TMEM141: variants seen among roughly 807,000 people sequenced by gnomAD.
TMEM141 encodes the protein transmembrane protein 141.
TMEM141 carries 18 observed loss-of-function variants against 15.9 expected under a neutral mutation model. The ratio of observed to expected loss-of-function variants is 1.13; its 90% CI spans 0.78 to 1.68. The LOEUF is 1.68. TMEM141 is among the 40% of genes most tolerant of loss of function. The pLI, the probability that TMEM141 is intolerant of heterozygous loss-of-function variation, is 0.00. For synonymous variants in TMEM141, 69 were observed against 54.0 expected (o/e 1.28, Z -1.22); for missense variants, 161 against 139.5 (o/e 1.15, Z -0.78).
intron 1 of TMEM141, 26 bp downstream of exon 1, chr9:136,791,450 G>A: frequency 6.4e-7 from 1 of 1,551,770 alleles, no homozygotes; most frequent in South Asian, 1.2e-5. Flanking sequence ...TGGGACGCGG[G>A]CCTCAAACCC....
intron 4 of TMEM141, 46 bp from the exon 5 acceptor site, chr9:136,792,772 AG>A (rs1847603968): frequency 6.9e-7 from 1 of 1,458,610 alleles, no homozygotes; most frequent in African/African-American, 1.4e-5. Flanking sequence ...AGGGATGCCC[AG>A]CCACGATGGA....
At chr9:136,792,216 G>A in intron 3 of TMEM141, 35 bp from the exon 4 acceptor site, 1 of 1,546,992 alleles carries the variant, frequency 6.5e-7, no homozygotes. Flanking sequence ...GGGAAGCACA[G>A]AGGCCCCAGC....
rs201595716 is a variant in TMEM141, at chr9:136,791,390, C to T, written c.20C>T (p.Ser7Phe). Reference sequence around the variant, plus strand: ...CCAACCATGGTGAACTTGGGTCTGTCCCGGGTGGACGACGCCGTGGCTGCC... The same window carrying T: ...CCAACCATGGTGAACTTGGGTCTGTTCCGGGTGGACGACGCCGTGGCTGCC... MVNLGL[S>F]RVDDAVAAKH... The change falls in exon 1 of 5, where the codon TCC becomes TTC. Residue 7 changes from serine to phenylalanine, a missense_variant. Physicochemically the swap from Ser to Phe is radical, Grantham distance 155. Coordinates refer to ENST00000290079, the MANE Select transcript of TMEM141 (RefSeq NM_032928.4). 18 of 1,560,976 alleles carry T rather than the reference C, an allele frequency of 1.2e-5. No individual in the cohort carries two copies. In the East Asian group the frequency reaches 3.4e-4, roughly 29 times the overall value.
chr9:136,792,399 C>T (rs1160931403), intron 4 of TMEM141, 41 bp downstream of exon 4: 7 of 1,496,258 alleles, frequency 4.7e-6, no homozygotes, highest in Non-Finnish European at 5.5e-6. Flanking sequence ...AATGCCACCT[C>T]TCCAGCACCC....
At chr9:136,791,556 C>A in intron 1 of TMEM141, 132 bp downstream of exon 1, 1 of 1,560,424 alleles carries the variant, frequency 6.4e-7, no homozygotes, top group Non-Finnish European at 8.7e-7. Context: ...TGCTAAGGGG[C>A]TCAGGGCGTC....
chr9:136,792,192 G>A (rs1298633255), intron 3 of TMEM141, 59 bp from the exon 4 acceptor site: 10 of 1,523,412 alleles, frequency 6.6e-6, no homozygotes, highest in Non-Finnish European at 8.9e-6. Context: ...GCCTGTGCCC[G>A]GTTCTCTTAG....
At chr9:136,791,461 C>T (rs1470489487) in intron 1 of TMEM141, 37 bp downstream of exon 1, 9 of 1,551,276 alleles carry the variant, frequency 5.8e-6, no homozygotes, top group Admixed American at 2.0e-5. Context: ...CCTCAAACCC[C>T]AGAAGCTGAC....
At chr9:136,791,471 C>A in intron 1 of TMEM141, 47 bp downstream of exon 1, 3 of 1,550,672 alleles carry the variant, frequency 1.9e-6, no homozygotes, top group Non-Finnish European at 2.6e-6. Flanking sequence ...CAGAAGCTGA[C>A]CTGAGCGAGG....
At position 136,791,756 on chromosome 9, in the gene TMEM141, G is replaced by C; in HGVS notation, c.100G>C (p.Gly34Arg). The C allele has an allele frequency of 6.2e-7, 1 of 1,613,608 alleles. No homozygotes were observed. The highest frequency in any genetic ancestry group is 8.5e-7 in the Non-Finnish European group (1 of 1,179,936). ...AACQSHAFMK[G>R]VFTFVTGTGM... ...ATGCCAGTCACACGCCTTCATGAAG[G>C]GCGTTTTCACCTTCGTCACAGGTAG... Residue 34 changes from glycine (G) to arginine (R), a missense_variant, in exon 2 of 5, where the codon GGC becomes CGC. Physicochemically the swap from Gly to Arg is moderately radical, Grantham distance 125. Coordinates refer to ENST00000290079, the MANE Select transcript of TMEM141 (RefSeq NM_032928.4).
chr9:136,793,306 G>A lies in TMEM141; in HGVS notation c.*474G>A, dbSNP rs1485894643. The A allele has an allele frequency of 6.5e-6, 1 of 152,978 alleles. No individual in the cohort carries two copies. The highest frequency in any genetic ancestry group is 1.9e-4 in the East Asian group (1 of 5,260). The allele number at this position is 152,978 out of a possible 1,614,324, so 9.5% of individuals were successfully genotyped here. ...GAAAAACAAATCAGAAGGGTAAGAT[G>A]ATGACAGGTCACATGAAACCTTTAT... On this transcript the variant is annotated 3_prime_UTR_variant, in exon 5 of 5. Transcript: ENST00000290079.
In TMEM141 at chr9:136,792,816, C is replaced by A; in HGVS notation, c.314-3C>A. On this transcript the variant is annotated splice_region_variant and splice_polypyrimidine_tract_variant and intron_variant, in intron 4 of 4. Coordinates refer to ENST00000290079, the MANE Select transcript of TMEM141 (RefSeq NM_032928.4). ...CGAGCTTGTCTCTCTTTGCCTTTTACAGATCAGAGAAGCTAGGAGAGCTCC... is the reference window on the plus strand; with the variant it reads ...CGAGCTTGTCTCTCTTTGCCTTTTAAAGATCAGAGAAGCTAGGAGAGCTCC... 6.4e-7 allele frequency: 1 copy of A among 1,570,134 alleles called. No homozygotes were observed. The highest frequency in any genetic ancestry group is 8.6e-7 in the Non-Finnish European group (1 of 1,156,998).
At chr9:136,792,588 CTGAGAT>C (rs1189100367) in intron 4 of TMEM141, among the ~76,000 whole-genome samples, 2 of 152,178 alleles carry the variant, frequency 1.3e-5, no homozygotes, top group Non-Finnish European at 2.9e-5. Flanking sequence ...TGGGGTGCCC[CTGAGAT>C]TGAGAGGAAG....
At position 136,791,362 on chromosome 9, in the gene TMEM141, C is replaced by A; in HGVS notation, c.-9C>A. 2 of 1,557,792 alleles carry A rather than the reference C, an allele frequency of 1.3e-6. No homozygotes were observed. The highest frequency in any genetic ancestry group is 1.9e-5 in the Admixed American group (1 of 52,210). The stretch of plus-strand genomic sequence containing the variant: ...CCTGCGCAGGCCCGCTCCCCGAGCC[C>A]TGCCAACCATGGTGAACTTGGGTCT... On this transcript the variant is annotated 5_prime_UTR_variant, in exon 1 of 5. In the 5' UTR this introduces an upstream ATG that the reference lacks. Coordinates refer to ENST00000290079, the MANE Select transcript of TMEM141 (RefSeq NM_032928.4).
In TMEM141 at chr9:136,792,989, A is replaced by G. The variant is rs1406591969; in HGVS notation, c.*157A>G. 1.2e-5 allele frequency: 13 copies of G among 1,080,742 alleles called. No individual in the cohort carries two copies. The highest frequency in any genetic ancestry group is 1.5e-5 in the Non-Finnish European group (13 of 841,232). The allele number at this position is 1,080,742 out of a possible 1,614,324, so 66.9% of individuals were successfully genotyped here. On this transcript the variant is annotated 3_prime_UTR_variant, in exon 5 of 5. Transcript: ENST00000290079. Reference sequence around the variant, plus strand: ...GGCCAGGCCTGACAAACACCTGCAGATGGCTGCTGCCCCAACCTGGGACCT... The same window carrying G: ...GGCCAGGCCTGACAAACACCTGCAGGTGGCTGCTGCCCCAACCTGGGACCT...
chr9:136,792,676 G>T, intron 4 of TMEM141, 143 bp from the exon 5 acceptor site: 1 of 664,306 alleles, frequency 1.5e-6, no homozygotes. Context: ...GCTGGACTGA[G>T]AAGCCCCGCA....
At chr9:136,791,452 C>G in intron 1 of TMEM141, 28 bp downstream of exon 1, 1 of 1,551,712 alleles carries the variant, frequency 6.4e-7, no homozygotes, top group Non-Finnish European at 8.7e-7. Context: ...GGACGCGGGC[C>G]TCAAACCCCA....
At chr9:136,791,686 C>A (rs199627186) in intron 1 of TMEM141, 25 bp from the exon 2 acceptor site, 737 of 1,608,930 alleles carry the variant, frequency 4.6e-4, no homozygotes, top group Non-Finnish European at 6.0e-4. Flanking sequence ...GGGGATCGAG[C>A]CTTCACCCGC....
chr9:136,791,739 C>A lies in TMEM141; in HGVS notation c.83C>A (p.Ser28Ter). ...PGLGEYAACQ[S>*]HAFMKGVFTF... is the part of the protein sequence containing the mutation. ...CTCGGGGAGTATGCCGCATGCCAGT[C>A]ACACGCCTTCATGAAGGGCGTTTTC... Residue 28 changes from serine to a stop codon, truncating the protein, a stop_gained, in exon 2 of 5, where the codon TCA becomes TAA. Transcript: ENST00000290079. LOFTEE classifies it high-confidence loss of function. 6.2e-7 allele frequency: 1 copy of A among 1,613,472 alleles called. No individual in the cohort carries two copies. Among genetic ancestry groups the A allele is most frequent in the South Asian group, 1.1e-5 (1 of 91,066 alleles).
chr9:136,792,156 C>A, intron 3 of TMEM141, 95 bp from the exon 4 acceptor site: 1 of 1,492,280 alleles, frequency 6.7e-7, no homozygotes, highest in Non-Finnish European at 9.1e-7. Context: ...CCACCTGAGC[C>A]CACCCACCAC....
Sources: allele counts gnomAD v4.1 joint callset (sites outside exome capture counted in the v4.1 genomes callset), GRCh38; gene constraint gnomAD v4.1.1; transcripts MANE v1.5; gene names NCBI Gene and HGNC (gene_info 2026-07-23, HGNC 2026-07-21).